The following FAM133A variants were observed in gnomAD, a reference collection of about 807,000 sequenced individuals.
FAM133A encodes protein FAM133A.
For missense variants in FAM133A, 159 were observed against 164.4 expected (o/e 0.97, Z 0.18); for synonymous variants, 65 against 58.6 (o/e 1.11, Z -0.50).
In FAM133A at chrX:93,704,433, A is replaced by G. The variant is rs181215252; in HGVS notation, c.-103-4884A>G. On this transcript the variant is annotated intron_variant, in intron 3 of 3. Transcript: ENST00000683942. Reference sequence around the variant, plus strand: ...AGAACATTAAGGTTTTTTTTTAAATAGGAGCCTCATCCAAATGTCCAGATA... The same window carrying G: ...AGAACATTAAGGTTTTTTTTTAAATGGGAGCCTCATCCAAATGTCCAGATA... 2.4e-3 allele frequency among the ~76,000 whole-genome samples: 263 copies of G among 111,726 alleles called. 1 individual carries two copies. Among genetic ancestry groups the G allele is most frequent in the African/African-American group, 7.7e-3 (238 of 30,910 alleles).
At chrX:93,707,609 G>A (rs886726195) in intron 3 of FAM133A, among the ~76,000 whole-genome samples, 4 of 110,208 alleles carry the variant, frequency 3.6e-5, no homozygotes, top group Non-Finnish European at 7.6e-5. Context: ...TGATCTTTAG[G>A]TTCCATCAAC....
intron 3 of FAM133A, among the ~76,000 whole-genome samples, chrX:93,707,759 C>T (rs1033391854): frequency 9.0e-6 from 1 of 111,489 alleles, no homozygotes; most frequent in South Asian, 3.7e-4. Flanking sequence ...TCTGAATCCT[C>T]CTTTCTCTCA....
At chrX:93,692,787 A>G (rs958388757) in intron 2 of FAM133A, among the ~76,000 whole-genome samples, 16 of 111,717 alleles carry the variant, frequency 1.4e-4, no homozygotes, top group Non-Finnish European at 1.3e-4. Flanking sequence ...CTATGAGGTT[A>G]GGAACCATGA....
intron 2 of FAM133A, among the ~76,000 whole-genome samples, chrX:93,682,179 C>A (rs1925215224): frequency 8.9e-6 from 1 of 112,023 alleles, no homozygotes; most frequent in Non-Finnish European, 1.9e-5. Context: ...ATTTCCTCAT[C>A]TGTAGAATGG....
At chrX:93,679,617 T>C (rs984189099) in intron 2 of FAM133A, among the ~76,000 whole-genome samples, 8 of 111,413 alleles carry the variant, frequency 7.2e-5, no homozygotes, top group Admixed American at 2.9e-4. Context: ...CATGAAGTTT[T>C]GGTATATGTA....
intron 2 of FAM133A, among the ~76,000 whole-genome samples, chrX:93,692,163 T>C: frequency 8.9e-6 from 1 of 111,966 alleles, no homozygotes; most frequent in South Asian, 3.7e-4. Context: ...TCTATAGCCC[T>C]AATCAAAAAT....
intron 2 of FAM133A, among the ~76,000 whole-genome samples, chrX:93,693,909 A>G (rs1297566355): frequency 8.9e-6 from 1 of 111,940 alleles, no homozygotes; most frequent in Non-Finnish European, 1.9e-5. Context: ...AATTACCTAG[A>G]TAATAGATTA....
intron 3 of FAM133A, among the ~76,000 whole-genome samples, chrX:93,704,596 C>G (rs1175933039): frequency 1.8e-5 from 2 of 111,639 alleles, no homozygotes; most frequent in African/African-American, 6.5e-5. Context: ...TCATTGGAAT[C>G]ATTTGTAATC....
chrX:93,702,185 C>T (rs1057265826), intron 3 of FAM133A, among the ~76,000 whole-genome samples: 3 of 111,662 alleles, frequency 2.7e-5, no homozygotes, highest in Non-Finnish European at 5.6e-5. Flanking sequence ...TAGCAATAAG[C>T]ACACCCAGTG....
At chrX:93,698,054 G>T (rs769604715) in intron 2 of FAM133A, among the ~76,000 whole-genome samples, 51 of 111,297 alleles carry the variant, frequency 4.6e-4, no homozygotes, top group African/African-American at 1.6e-3. Context: ...TTAGATTGAG[G>T]ATAGAGTGGT....
In FAM133A at chrX:93,709,610, A is replaced by C. The variant is rs765842073; in HGVS notation, c.191A>C (p.Lys64Thr). 57 of 1,194,642 alleles carry C rather than the reference A, an allele frequency of 4.8e-5. No individual in the cohort carries two copies. The highest frequency in any genetic ancestry group is 6.1e-5 in the Non-Finnish European group (54 of 890,359). The change falls in exon 4 of 4, where the codon AAA becomes ACA. Residue 64 changes from lysine to threonine, a missense_variant. Physicochemically the swap from Lys to Thr is moderately conservative, Grantham distance 78. Coordinates refer to ENST00000683942, the MANE Select transcript of FAM133A (RefSeq NM_001171109.2). Reference sequence around the variant, plus strand: ...AAAGCATTAGCTGAATTTGAAGAAAAAATGAATGAAAATTGGAAGAAAGAA... The same window carrying C: ...AAAGCATTAGCTGAATTTGAAGAAACAATGAATGAAAATTGGAAGAAAGAA... ...GSKALAEFEEKMNENWKKELE... is the reference protein window; with the variant it reads ...GSKALAEFEETMNENWKKELE...
intron 3 of FAM133A, among the ~76,000 whole-genome samples, chrX:93,698,969 C>A (rs1020206493): frequency 9.1e-6 from 1 of 110,463 alleles, no homozygotes; most frequent in South Asian, 3.9e-4. Flanking sequence ...CTAACTTTTT[C>A]AAGGACATCA....
chrX:93,702,654 G>A (rs1384283360), intron 3 of FAM133A, among the ~76,000 whole-genome samples: 2 of 108,919 alleles, frequency 1.8e-5, no homozygotes, highest in East Asian at 2.9e-4. Flanking sequence ...AGTACAGTAC[G>A]GAAATGGGAG....
intron 2 of FAM133A, among the ~76,000 whole-genome samples, chrX:93,690,276 T>G (rs930367018): frequency 2.0e-4 from 22 of 111,574 alleles, no homozygotes; most frequent in South Asian, 3.7e-4. Context: ...TGTGTATAAT[T>G]CAATAATTTT....
At chrX:93,682,434 T>C (rs1305430927) in intron 2 of FAM133A, among the ~76,000 whole-genome samples, 1 of 112,222 alleles carries the variant, frequency 8.9e-6, no homozygotes, top group Non-Finnish European at 1.9e-5. Context: ...AGGTCATTTA[T>C]TGTGTGTACA....
At chrX:93,703,568 G>A (rs1458803774) in intron 3 of FAM133A, among the ~76,000 whole-genome samples, 1 of 112,036 alleles carries the variant, frequency 8.9e-6, no homozygotes, top group African/African-American at 3.2e-5. Flanking sequence ...AATAAAAAGC[G>A]TGTTTAAAAA....
At chrX:93,694,210 A>G (rs1397381058) in intron 2 of FAM133A, among the ~76,000 whole-genome samples, 1 of 111,496 alleles carries the variant, frequency 9.0e-6, no homozygotes, top group Non-Finnish European at 1.9e-5. Context: ...TAATATTTTC[A>G]TATGGAATAT....
chrX:93,677,140 A>G (rs1352032671), intron 2 of FAM133A, among the ~76,000 whole-genome samples: 1 of 110,426 alleles, frequency 9.1e-6, no homozygotes, highest in Non-Finnish European at 1.9e-5. Flanking sequence ...TTTTTGTTCA[A>G]TTAACATGAT....
intron 2 of FAM133A, among the ~76,000 whole-genome samples, chrX:93,675,004 T>C (rs764692995): frequency 8.9e-6 from 1 of 112,414 alleles, no homozygotes; most frequent in South Asian, 3.7e-4. Flanking sequence ...TGATAAATTA[T>C]TCATTTCAAA....
Sources: allele counts gnomAD v4.1 joint callset (sites outside exome capture counted in the v4.1 genomes callset), GRCh38; gene constraint gnomAD v4.1.1; transcripts MANE v1.5; gene names NCBI Gene and HGNC (gene_info 2026-07-23, HGNC 2026-07-21).